Variants in GPR39 observed in about 807,000 individuals in gnomAD.
The protein encoded by GPR39 is G protein-coupled receptor 39, also known as zinc sensing receptor.
Under a neutral mutation model 18.4 loss-of-function variants are expected in GPR39, and 23 were observed. The observed-to-expected ratio is 1.25, with a 90% CI of 0.90 to 1.77. The LOEUF is 1.77. Ranked by LOEUF, GPR39 falls within the 40% of genes most tolerant of loss-of-function variation. The pLI is 0.00. For missense variants in GPR39, 647 were observed against 602.4 expected (o/e 1.07, Z -0.78); for synonymous variants, 280 against 257.9 (o/e 1.09, Z -0.82).
intron 1 of GPR39, among the ~76,000 whole-genome samples, chr2:132,474,676 C>A (rs372136956): frequency 1.3e-5 from 2 of 152,210 alleles, no homozygotes; most frequent in Non-Finnish European, 2.9e-5. Flanking sequence ...TTCTATTGAT[C>A]GAGGCAGCCC....
chr2:132,437,360 C>T (rs1680344001), intron 1 of GPR39, among the ~76,000 whole-genome samples: 1 of 152,168 alleles, frequency 6.6e-6, no homozygotes, highest in African/African-American at 2.4e-5. Flanking sequence ...TTTTGAAAGC[C>T]TTAGCACTAC....
chr2:132,487,631 AAT>A (rs925847275), intron 1 of GPR39, among the ~76,000 whole-genome samples: 19 of 152,212 alleles, frequency 1.2e-4, no homozygotes, highest in African/African-American at 4.6e-4. Context: ...TGAAAATTAT[AAT>A]AGTCAAAATT....
At chr2:132,608,393 G>A (rs536514520) in intron 1 of GPR39, among the ~76,000 whole-genome samples, 2 of 152,260 alleles carry the variant, frequency 1.3e-5, no homozygotes, top group African/African-American at 4.8e-5. Flanking sequence ...CACATCCCCC[G>A]GCTCCCTGTC....
At chr2:132,574,732 C>T (rs1017947865) in intron 1 of GPR39, among the ~76,000 whole-genome samples, 3 of 152,096 alleles carry the variant, frequency 2.0e-5, no homozygotes, top group Non-Finnish European at 4.4e-5. Flanking sequence ...GAGACTTTGT[C>T]GCTAAATGAA....
chr2:132,613,308 A>G (rs1431028478), intron 1 of GPR39, among the ~76,000 whole-genome samples: 1 of 152,218 alleles, frequency 6.6e-6, no homozygotes, highest in Non-Finnish European at 1.5e-5. Context: ...GAACATTTAT[A>G]TAAAACTTAA....
intron 1 of GPR39, among the ~76,000 whole-genome samples, chr2:132,585,549 C>G (rs1680708395): frequency 1.3e-5 from 2 of 152,234 alleles, no homozygotes; most frequent in Non-Finnish European, 2.9e-5. Context: ...CTGCGCGCAT[C>G]TGTGTGTGCG....
At chr2:132,564,212 A>C (rs1680307398) in intron 1 of GPR39, among the ~76,000 whole-genome samples, 1 of 152,144 alleles carries the variant, frequency 6.6e-6, no homozygotes, top group Non-Finnish European at 1.5e-5. Context: ...AGGAAATGTA[A>C]TAGTGTTAGT....
At chr2:132,580,960 C>CAAAAAAAAAAAAAAAAAAAA (rs538565776) in intron 1 of GPR39, among the ~76,000 whole-genome samples, 1 of 55,276 alleles carries the variant, frequency 1.8e-5, no homozygotes, top group African/African-American at 5.6e-5. Flanking sequence ...GACTCTGTCT[C>CAAAAAAAAAAAAAAAAAAAA]AAAAAAAAAA....
intron 1 of GPR39, among the ~76,000 whole-genome samples, chr2:132,507,315 C>G (rs568593218): frequency 7.2e-4 from 110 of 152,166 alleles, no homozygotes; most frequent in African/African-American, 2.2e-3. Flanking sequence ...TTTGGTAAAG[C>G]CTTAAAAGAG....
At chr2:132,532,797 C>A (rs757404647) in intron 1 of GPR39, among the ~76,000 whole-genome samples, 10 of 146,792 alleles carry the variant, frequency 6.8e-5, no homozygotes, top group African/African-American at 2.4e-4. Context: ...ATTCAACAAC[C>A]CTTCATGCTA....
At chr2:132,604,027 C>T (rs923025760) in intron 1 of GPR39, among the ~76,000 whole-genome samples, 3 of 152,112 alleles carry the variant, frequency 2.0e-5, no homozygotes, top group Non-Finnish European at 4.4e-5. Context: ...CATAAATATA[C>T]TTCACAACCC....
intron 1 of GPR39, among the ~76,000 whole-genome samples, chr2:132,544,147 T>A (rs115911654): frequency 0.011 from 1,735 of 152,312 alleles, 25 homozygotes; most frequent in South Asian, 0.063. Context: ...AGAACATATG[T>A]TAAGATGTCA....
At chr2:132,567,375 G>A (rs529568608) in intron 1 of GPR39, among the ~76,000 whole-genome samples, 29 of 152,294 alleles carry the variant, frequency 1.9e-4, no homozygotes, top group Middle Eastern at 6.8e-3. Flanking sequence ...CTGTCCCCTT[G>A]GATGGATTAA....
At chr2:132,595,569 T>C (rs1371550815) in intron 1 of GPR39, among the ~76,000 whole-genome samples, 1 of 152,138 alleles carries the variant, frequency 6.6e-6, no homozygotes, top group Non-Finnish European at 1.5e-5. Flanking sequence ...TCAGAGTTCA[T>C]TTTCTGCTGA....
chr2:132,436,885 C>T (rs1054352380), intron 1 of GPR39, among the ~76,000 whole-genome samples: 4 of 152,144 alleles, frequency 2.6e-5, no homozygotes, highest in Admixed American at 6.5e-5. Flanking sequence ...TATTAACTAA[C>T]GTTTTAAAAA....
At chr2:132,449,761 T>G (rs1227108266) in intron 1 of GPR39, among the ~76,000 whole-genome samples, 3 of 152,192 alleles carry the variant, frequency 2.0e-5, no homozygotes, top group Admixed American at 1.3e-4. Flanking sequence ...CCTAGATGAT[T>G]GGCATTTATT....
chr2:132,506,922 C>T (rs907416448), intron 1 of GPR39, among the ~76,000 whole-genome samples: 1 of 151,880 alleles, frequency 6.6e-6, no homozygotes, highest in African/African-American at 2.4e-5. Flanking sequence ...TATTCTATAA[C>T]CCAAAGATAA....
chr2:132,496,369 A>C (rs1681641854), intron 1 of GPR39, among the ~76,000 whole-genome samples: 1 of 152,138 alleles, frequency 6.6e-6, no homozygotes, highest in African/African-American at 2.4e-5. Context: ...ATTTGAAGAC[A>C]CCTGTTAGCC....
rs1679909770 is a variant in GPR39, at chr2:132,416,850, C to G, written c.-193C>G. On this transcript the variant is annotated 5_prime_UTR_variant, in exon 1 of 2. Transcript: ENST00000329321. ...ACACCCAGGCGCCTCCTGGGCCTCT[C>G]CTAGGTTGGGCTGCTCCAGCAAGTT... is the stretch of plus-strand genomic sequence containing the variant. 2.8e-6 allele frequency: 2 copies of G among 714,526 alleles called. No individual in the cohort carries two copies. Among genetic ancestry groups the G allele is most frequent in the East Asian group, 2.7e-5 (1 of 37,122 alleles). 44.3% of individuals were successfully genotyped at this position (714,526 alleles called of 1,614,324 possible). A position where few individuals can be genotyped will look rare whatever the true frequency, so the allele number is the denominator to read the frequency against.
Sources: gnomAD v4.1 joint callset for allele counts (sites outside exome capture counted in the v4.1 genomes callset) on GRCh38, gnomAD v4.1.1 for gene constraint, MANE v1.5 for transcripts, NCBI Gene and HGNC (gene_info 2026-07-23, HGNC 2026-07-21) for gene names.